The following MRPS35 variants were observed in gnomAD, a reference collection of about 807,000 sequenced individuals.
MRPS35 encodes the protein mitochondrial ribosomal protein S35.
MRPS35 carries 29 observed loss-of-function variants against 32.7 expected under a neutral mutation model. The observed-to-expected ratio is 0.89, with a 90% CI of 0.66 to 1.21. The LOEUF is 1.21. Ranked by LOEUF, MRPS35 falls within the 50% of genes most tolerant of loss-of-function variation. MRPS35 has a pLI of 0.00. For synonymous variants in MRPS35, 148 were observed against 139.3 expected (o/e 1.06, Z -0.44); for missense variants, 373 against 383.8 (o/e 0.97, Z 0.23).
intron 7 of MRPS35, among the ~76,000 whole-genome samples, chr12:27,751,267 A>G (rs2062002190): frequency 6.6e-6 from 1 of 152,078 alleles, no homozygotes; most frequent in South Asian, 2.1e-4. Context: ...CTTACTAATG[A>G]CTTTAAACCA....
intron 4 of MRPS35, 119 bp from the exon 5 acceptor site, chr12:27,723,928 A>G: frequency 1.0e-6 from 1 of 954,314 alleles, no homozygotes; most frequent in Non-Finnish European, 1.5e-6. Flanking sequence ...TGCAGAAGAG[A>G]ATCTGTTCTT....
chr12:27,749,659 G>A (rs2061994327), intron 7 of MRPS35, among the ~76,000 whole-genome samples: 1 of 152,124 alleles, frequency 6.6e-6, no homozygotes, highest in South Asian at 2.1e-4. Flanking sequence ...TACTCCCAAT[G>A]CTTCGCCTCA....
At chr12:27,736,235 T>TG (rs1264344619) in intron 6 of MRPS35, among the ~76,000 whole-genome samples, 1 of 152,160 alleles carries the variant, frequency 6.6e-6, no homozygotes, top group Non-Finnish European at 1.5e-5. Context: ...CATTTGGAGG[T>TG]GTCAGTATCG....
At chr12:27,713,328 A>G (rs1201010823) in intron 1 of MRPS35, among the ~76,000 whole-genome samples, 1 of 152,208 alleles carries the variant, frequency 6.6e-6, no homozygotes, top group Admixed American at 6.5e-5. Context: ...GTAGATGTAG[A>G]TATATAGACA....
intron 7 of MRPS35, among the ~76,000 whole-genome samples, chr12:27,743,361 C>T (rs1200890585): frequency 6.6e-6 from 1 of 151,832 alleles, no homozygotes; most frequent in East Asian, 2.0e-4. Context: ...AACCCCATCT[C>T]TACTACAAAT....
intron 7 of MRPS35, among the ~76,000 whole-genome samples, chr12:27,742,354 G>A (rs951662025): frequency 1.3e-5 from 2 of 152,192 alleles, no homozygotes; most frequent in Non-Finnish European, 2.9e-5. Context: ...TACAAGATAT[G>A]TTGCTAGGTG....
At chr12:27,731,795 C>G (rs543859734) in intron 5 of MRPS35, among the ~76,000 whole-genome samples, 12 of 152,292 alleles carry the variant, frequency 7.9e-5, no homozygotes, top group African/African-American at 2.9e-4. Flanking sequence ...TCTTGAACAC[C>G]TGACCTCAAG....
At chr12:27,749,700 G>A (rs2061994507) in intron 7 of MRPS35, among the ~76,000 whole-genome samples, 2 of 152,148 alleles carry the variant, frequency 1.3e-5, no homozygotes, top group Non-Finnish European at 2.9e-5. Context: ...AGGTTTTAGA[G>A]GTGGGGAAAT....
At chr12:27,738,324 CAT>C (rs1220086415) in intron 7 of MRPS35, among the ~76,000 whole-genome samples, 15 of 152,178 alleles carry the variant, frequency 9.9e-5, no homozygotes, top group African/African-American at 2.9e-4. Context: ...TGCTCCATCA[CAT>C]GAGATCAAGT....
rs2062023728 is a variant in MRPS35, at chr12:27,755,737, A to AT, written c.*291dup. Reference sequence around the variant, plus strand: ...ATGTATATACATGCATTTAATTGTGATTTTATCACCTTTCCCATTTCTTTC... The same window carrying AT: ...ATGTATATACATGCATTTAATTGTGATTTTTATCACCTTTCCCATTTCTTTC... On this transcript the variant is annotated 3_prime_UTR_variant, in exon 8 of 8. Transcript: ENST00000081029. 1 of 183,188 alleles carries AT rather than the reference A, an allele frequency of 5.5e-6. No individual in the cohort carries two copies. Among genetic ancestry groups the AT allele is most frequent in the South Asian group, 1.8e-4 (1 of 5,438 alleles). 11.3% of individuals were successfully genotyped at this position (183,188 alleles called of 1,614,324 possible). A position where few individuals can be genotyped will look rare whatever the true frequency, so the allele number is the denominator to read the frequency against.
At position 27,714,815 on chromosome 12, in the gene MRPS35, A is replaced by G; in HGVS notation, c.148A>G (p.Arg50Gly). The change falls in exon 2 of 8, where the codon AGA (arginine) becomes GGA (glycine). Residue 50 changes from arginine to glycine, a missense_variant. By Grantham distance (125) the Arg-to-Gly change is moderately radical. Coordinates refer to ENST00000081029, the MANE Select transcript of MRPS35 (RefSeq NM_021821.4). ...ACCCGGAAATGAAAGGCCACCAAGAAGAAAGGTAAAAAGTTCGTATACTCT... is the reference window on the plus strand; with the variant it reads ...ACCCGGAAATGAAAGGCCACCAAGAGGAAAGGTAAAAAGTTCGTATACTCT... Reference protein sequence around the residue: ...RTPGNERPPRRKALPPRTEKM... With the variant: ...RTPGNERPPRGKALPPRTEKM... The G allele has an allele frequency of 6.2e-7, 1 of 1,610,704 alleles. No individual in the cohort carries two copies. Among genetic ancestry groups the G allele is most frequent in the South Asian group, 1.1e-5 (1 of 90,986 alleles).
intron 1 of MRPS35, among the ~76,000 whole-genome samples, chr12:27,711,653 A>G (rs1015940950): frequency 2.0e-5 from 3 of 151,952 alleles, no homozygotes; most frequent in Non-Finnish European, 4.4e-5. Context: ...TATCTAGTTC[A>G]GGTGACCATC....
rs2061940200 is a variant in MRPS35, at chr12:27,735,534, G to T, written c.610G>T (p.Val204Leu). The change falls in exon 6 of 8, where the codon GTG becomes TTG. Residue 204 changes from valine to leucine, a missense_variant. Val to Leu is a conservative substitution (Grantham distance 32). Transcript: ENST00000081029. ...AGAGCGATACTGCAAGACCACAGATGTGCTTACCATCAAAACAGATAGGTA... is the reference window on the plus strand; with the variant it reads ...AGAGCGATACTGCAAGACCACAGATTTGCTTACCATCAAAACAGATAGGTA... ...VGERYCKTTD[V>L]LTIKTDRCPL... 6.2e-7 allele frequency: 1 copy of T among 1,611,412 alleles called. No homozygotes were observed. The highest frequency in any genetic ancestry group is 8.5e-7 in the Non-Finnish European group (1 of 1,179,094).
At position 27,714,817 on chromosome 12, in the gene MRPS35, A is replaced by G. The variant is rs1218089396; in HGVS notation, c.150A>G (p.Arg50=). The change falls in exon 2 of 8, where the codon AGA becomes AGG. Residue 50 remains arginine (R), a synonymous_variant. Coordinates refer to ENST00000081029, the MANE Select transcript of MRPS35 (RefSeq NM_021821.4). ...RTPGNERPPR[R]KALPPRTEKM... Reference sequence around the variant, plus strand: ...CCGGAAATGAAAGGCCACCAAGAAGAAAGGTAAAAAGTTCGTATACTCTAC... The same window carrying G: ...CCGGAAATGAAAGGCCACCAAGAAGGAAGGTAAAAAGTTCGTATACTCTAC... 1 of 1,610,580 alleles carries G rather than the reference A, an allele frequency of 6.2e-7. No homozygotes were observed. The highest frequency in any genetic ancestry group is 8.5e-7 in the Non-Finnish European group (1 of 1,177,188).
chr12:27,731,356 G>A (rs1398365480), intron 5 of MRPS35, among the ~76,000 whole-genome samples: 2 of 152,138 alleles, frequency 1.3e-5, no homozygotes, highest in Non-Finnish European at 1.5e-5. Flanking sequence ...TTTATACTCT[G>A]TGTAGCCTGT....
At position 27,718,420 on chromosome 12, in the gene MRPS35, A is replaced by G. The variant is rs371037661; in HGVS notation, c.322-1388A>G. ...AGAGCAAGACTCCATCTCAAAAACA[A>G]AAAACATTATTTTCTGATCAGCCCT... On this transcript the variant is annotated intron_variant, in intron 3 of 7. Transcript: ENST00000081029. Among the ~76,000 whole-genome samples, 127 of 152,296 alleles carry G rather than the reference A, an allele frequency of 8.3e-4. 1 individual carries two copies. Among genetic ancestry groups the G allele is most frequent in the African/African-American group, 2.9e-3 (121 of 41,570 alleles).
chr12:27,724,614 G>A lies in MRPS35; in HGVS notation c.522+428G>A, dbSNP rs892820017. ...AAAAATTAGCTGGGCGTGGTGGTGGGCACCTGTAATCCCATCTACTCCGGA... is the reference window on the plus strand; with the variant it reads ...AAAAATTAGCTGGGCGTGGTGGTGGACACCTGTAATCCCATCTACTCCGGA... On this transcript the variant is annotated intron_variant, in intron 5 of 7. Coordinates refer to ENST00000081029, the MANE Select transcript of MRPS35 (RefSeq NM_021821.4). 2.6e-5 allele frequency among the ~76,000 whole-genome samples: 4 copies of A among 152,128 alleles called. No homozygotes were observed. In the South Asian group the frequency reaches 8.3e-4, roughly 32 times the overall value.
chr12:27,736,705 C>G (rs1217829909), intron 6 of MRPS35, among the ~76,000 whole-genome samples: 1 of 152,050 alleles, frequency 6.6e-6, no homozygotes, highest in African/African-American at 2.4e-5. Flanking sequence ...CCTTAAAGCT[C>G]AATGTGTCAT....
chr12:27,724,609 G>C (rs937937172), intron 5 of MRPS35, among the ~76,000 whole-genome samples: 5 of 152,078 alleles, frequency 3.3e-5, no homozygotes, highest in African/African-American at 9.7e-5. Flanking sequence ...TGGGCGTGGT[G>C]GTGGGCACCT....
Sources: allele counts gnomAD v4.1 joint callset (sites outside exome capture counted in the v4.1 genomes callset), GRCh38; gene constraint gnomAD v4.1.1; transcripts MANE v1.5; gene names NCBI Gene and HGNC (gene_info 2026-07-23, HGNC 2026-07-21).